Variants in TMEM182 observed in about 807,000 individuals in gnomAD.
The protein encoded by TMEM182 is transmembrane protein 182.
Under a neutral mutation model 26.8 loss-of-function variants are expected in TMEM182, and 20 were observed. That is an observed-to-expected ratio of 0.75 (90% confidence interval 0.53 to 1.09). The LOEUF is 1.09. Ranked by LOEUF, TMEM182 falls within the 50% of genes least tolerant of loss-of-function variation. The pLI, the probability that TMEM182 is intolerant of heterozygous loss-of-function variation, is 0.00. For synonymous variants in TMEM182, 109 were observed against 102.2 expected (o/e 1.07, Z -0.40); for missense variants, 277 against 275.5 (o/e 1.01, Z -0.04).
intron 3 of TMEM182, among the ~76,000 whole-genome samples, chr2:102,830,435 G>T (rs978908888): frequency 9.9e-5 from 15 of 152,278 alleles, no homozygotes; most frequent in African/African-American, 3.4e-4. Flanking sequence ...CATGAATTTT[G>T]TGGGCTAACA....
chr2:102,774,886 A>T (rs1294196624), intron 3 of TMEM182, among the ~76,000 whole-genome samples: 1 of 152,036 alleles, frequency 6.6e-6, no homozygotes, highest in Non-Finnish European at 1.5e-5. Context: ...AATTAGATAG[A>T]GTGATTCTTC....
chr2:102,814,085 T>G (rs1682654447), intron 4 of TMEM182, among the ~76,000 whole-genome samples: 1 of 130,452 alleles, frequency 7.7e-6, no homozygotes, highest in African/African-American at 3.0e-5. Context: ...ATCTTTAGTG[T>G]GTATATATAT....
intron 3 of TMEM182, among the ~76,000 whole-genome samples, chr2:102,772,801 G>C (rs1680735346): frequency 6.6e-6 from 1 of 152,188 alleles, no homozygotes; most frequent in Non-Finnish European, 1.5e-5. Flanking sequence ...CGGAGTCGTT[G>C]CCATGTAGTT....
At chr2:102,843,144 T>C (rs1683386296) in intron 3 of TMEM182, among the ~76,000 whole-genome samples, 1 of 152,192 alleles carries the variant, frequency 6.6e-6, no homozygotes, top group Non-Finnish European at 1.5e-5. Flanking sequence ...TTGTGCGTCC[T>C]GAGCCTTGGC....
chr2:102,795,595 C>T, intron 3 of TMEM182, among the ~76,000 whole-genome samples: 1 of 152,156 alleles, frequency 6.6e-6, no homozygotes. Context: ...TGCTCTGGAA[C>T]CTGGACGGTC....
chr2:102,750,037 GT>G (rs200041021), intron 1 of TMEM182, among the ~76,000 whole-genome samples: 23 of 150,376 alleles, frequency 1.5e-4, no homozygotes, highest in South Asian at 6.4e-4. Context: ...ATAAATAAAT[GT>G]TTTTTTTTAA....
chr2:102,742,210 T>C (rs1679563813), intron 1 of TMEM182, among the ~76,000 whole-genome samples: 1 of 152,150 alleles, frequency 6.6e-6, no homozygotes, highest in Non-Finnish European at 1.5e-5. Flanking sequence ...AAGAAAATTA[T>C]AGAAATCAAG....
chr2:102,839,471 A>ATATATATATAAT (rs1553446276), intron 3 of TMEM182, among the ~76,000 whole-genome samples: 2 of 134,888 alleles, frequency 1.5e-5, no homozygotes, highest in African/African-American at 2.8e-5. Context: ...ATATATATAT[A>ATATATATATAAT]ATATATACAC....
At chr2:102,758,456 C>A (rs921158860), upstream of TMEM182, 6 of 716,968 alleles carry the variant, frequency 8.4e-6, no homozygotes, top group Non-Finnish European at 1.6e-5. Flanking sequence ...AAAAAAGACA[C>A]CTTTTACCTC....
At chr2:102,763,358 A>C (rs1680293077) in intron 2 of TMEM182, among the ~76,000 whole-genome samples, 2 of 152,180 alleles carry the variant, frequency 1.3e-5, no homozygotes, top group Admixed American at 6.5e-5. Flanking sequence ...AAATCAATTT[A>C]TTGAAAATAG....
chr2:102,833,488 TCC>T (rs1379625507), intron 3 of TMEM182, among the ~76,000 whole-genome samples: 1 of 152,038 alleles, frequency 6.6e-6, no homozygotes, highest in Non-Finnish European at 1.5e-5. Context: ...AATGGAGTGC[TCC>T]CACACACACA....
In TMEM182 at chr2:102,762,541, A is replaced by G. The variant is rs191482296; in HGVS notation, c.133-46A>G. On this transcript the variant is annotated intron_variant, in intron 1 of 4. Transcript: ENST00000412401. ...TTTACTGGCTGTAATGATTTTGATTATATTTCTTGTATTGATGGCAAGTTA... is the reference window on the plus strand; with the variant it reads ...TTTACTGGCTGTAATGATTTTGATTGTATTTCTTGTATTGATGGCAAGTTA... 254 of 1,578,404 alleles carry G rather than the reference A, an allele frequency of 1.6e-4. 1 individual carries two copies. The East Asian group carries it at 5.3e-3, about 33-fold the overall frequency.
At chr2:102,784,590 G>C (rs1681310844) in intron 3 of TMEM182, among the ~76,000 whole-genome samples, 1 of 152,196 alleles carries the variant, frequency 6.6e-6, no homozygotes, top group Admixed American at 6.5e-5. Flanking sequence ...AGTCTGTAGA[G>C]TAAAGTGAAA....
chr2:102,817,830 T>A (rs1245735174), downstream of TMEM182, among the ~76,000 whole-genome samples: 1 of 151,154 alleles, frequency 6.6e-6, no homozygotes, highest in East Asian at 1.9e-4. Flanking sequence ...ATCAATATAT[T>A]TGAGCTAAGC....
intron 3 of TMEM182, among the ~76,000 whole-genome samples, chr2:102,764,792 T>C: frequency 6.6e-6 from 1 of 151,662 alleles, no homozygotes. Flanking sequence ...TCTAAAACTT[T>C]ATGTCATCAT....
At chr2:102,799,936 C>A (rs923688136) in intron 4 of TMEM182, among the ~76,000 whole-genome samples, 4 of 151,978 alleles carry the variant, frequency 2.6e-5, no homozygotes, top group Non-Finnish European at 5.9e-5. Flanking sequence ...AGGAGAAGGT[C>A]AGAGAAAAAC....
intron 4 of TMEM182, among the ~76,000 whole-genome samples, chr2:102,799,696 G>A (rs72829930): frequency 0.17 from 25,141 of 152,158 alleles, 2,138 homozygotes; most frequent in East Asian, 0.22. Flanking sequence ...GGTGTGGGGC[G>A]GGACCCTCTC....
intron 3 of TMEM182, among the ~76,000 whole-genome samples, chr2:102,794,198 A>G (rs1681769161): frequency 6.6e-6 from 1 of 152,264 alleles, no homozygotes; most frequent in Non-Finnish European, 1.5e-5. Context: ...TTTTACAGAA[A>G]AAGAGACTTC....
intron 3 of TMEM182, among the ~76,000 whole-genome samples, chr2:102,831,067 A>C (rs183753330): frequency 2.6e-5 from 4 of 152,154 alleles, no homozygotes; most frequent in Non-Finnish European, 5.9e-5. Flanking sequence ...AGAGTACTCC[A>C]TTGTGTGTAT....
Sources: allele counts gnomAD v4.1 joint callset (sites outside exome capture counted in the v4.1 genomes callset), GRCh38; gene constraint gnomAD v4.1.1; transcripts MANE v1.5; gene names NCBI Gene and HGNC (gene_info 2026-07-23, HGNC 2026-07-21).